The following CALM2 variants were observed in gnomAD, a reference collection of about 807,000 sequenced individuals.
The protein encoded by CALM2 is calmodulin 2.
CALM2 carries 2 observed loss-of-function variants against 19.8 expected under a neutral mutation model. That is an observed-to-expected ratio of 0.10 (90% CI 0.04 to 0.32). The LOEUF is 0.32. CALM2 is among the 10% of genes least tolerant of loss of function. The pLI, the probability that CALM2 is intolerant of heterozygous loss-of-function variation, is 1.00. For synonymous variants in CALM2, 51 were observed against 52.1 expected (o/e 0.98, Z 0.09); for missense variants, 38 against 178.7 (o/e 0.21, Z 4.49).
chr2:47,162,855 A>G (rs1573215974), intron 2 of CALM2, 193 bp from the exon 3 acceptor site: 3 of 494,634 alleles, frequency 6.1e-6, no homozygotes, highest in African/African-American at 6.0e-5. Flanking sequence ...AAAAATACCA[A>G]TGGAGGTAGC....
Position 47,161,765 on chromosome 2 carries a change from T to C in CALM2, c.379A>G (p.Arg127Gly), listed in dbSNP as rs775065505. ...LTDEEVDEMI[R>G]EADIDGDGQV... ...CCATCACCATCAATATCTGCTTCCC[T>C]GATCATTTCATCAACTTCTTCATCT... is the stretch of plus-strand genomic sequence containing the variant. The change falls in exon 5 of 6, where the codon AGG becomes GGG. Residue 127 changes from arginine (R) to glycine (G), a missense_variant. Arg to Gly is a moderately radical substitution (Grantham distance 125, BLOSUM62 -2). Transcript: ENST00000272298. The C allele has an allele frequency of 6.2e-7, 1 of 1,613,114 alleles. No individual in the cohort carries two copies. The highest frequency in any genetic ancestry group is 1.3e-5 in the African/African-American group (1 of 74,850).
chr2:47,173,376 C>G (rs537683506), intron 1 of CALM2: 2 of 152,120 alleles, frequency 1.3e-5, no homozygotes, highest in African/African-American at 4.8e-5. Context: ...TGTTCTTACT[C>G]CCTTATTTCT....
In CALM2 at chr2:47,160,703, G is replaced by A. The variant is rs745695320; in HGVS notation, c.*73C>T. ...TGACAGTAGGGAGAAACCTTTTACA[G>A]ATAAGTTACAAACAAAGAAAAGGCA... is the stretch of plus-strand genomic sequence containing the variant. On this transcript the variant is annotated 3_prime_UTR_variant, in exon 6 of 6. Coordinates refer to ENST00000272298, the MANE Select transcript of CALM2 (RefSeq NM_001743.6). 1.1e-5 allele frequency: 9 copies of A among 827,226 alleles called. No homozygotes were observed. Among genetic ancestry groups the A allele is most frequent in the Non-Finnish European group, 1.3e-5 (7 of 538,000 alleles). 51.2% of individuals were successfully genotyped at this position (827,226 alleles called of 1,614,324 possible).
chr2:47,170,264 A>G (rs1666621380), intron 2 of CALM2, among the ~76,000 whole-genome samples: 1 of 152,228 alleles, frequency 6.6e-6, no homozygotes, highest in Admixed American at 6.5e-5. Context: ...TCACTTGAGA[A>G]ATGGTTATTC....
intron 1 of CALM2, chr2:47,176,184 C>G: frequency 1.9e-6 from 1 of 518,688 alleles, no homozygotes; most frequent in African/African-American, 1.9e-5. Context: ...TCCAGCCAAG[C>G]CCCCGAGGAG....
intron 2 of CALM2, among the ~76,000 whole-genome samples, chr2:47,168,361 GAA>G (rs1349441565): frequency 2.0e-5 from 3 of 152,114 alleles, no homozygotes; most frequent in African/African-American, 7.2e-5. Flanking sequence ...TGAAAGCCAA[GAA>G]AAGATAGGAT....
At chr2:47,169,963 T>TAA (rs11378358) in intron 2 of CALM2, among the ~76,000 whole-genome samples, 3,764 of 145,228 alleles carry the variant, frequency 0.026, 154 homozygotes, top group African/African-American at 0.086. Flanking sequence ...AACACTACAA[T>TAA]AAAAAAAAAA....
upstream of CALM2, chr2:47,176,533 G>A (rs916587452): frequency 1.3e-6 from 2 of 1,581,732 alleles, no homozygotes; most frequent in Admixed American, 1.8e-5. Flanking sequence ...TCCGCCCCCA[G>A]CGCCTCATAA....
At chr2:47,168,853 C>G (rs1666576228) in intron 2 of CALM2, among the ~76,000 whole-genome samples, 2 of 151,916 alleles carry the variant, frequency 1.3e-5, no homozygotes, top group Non-Finnish European at 2.9e-5. Flanking sequence ...TCTTGCCTCA[C>G]TGCAACCTCT....
chr2:47,176,387 C>G, intron 1 of CALM2, 54 bp downstream of exon 1: 3 of 1,605,918 alleles, frequency 1.9e-6, no homozygotes, highest in Non-Finnish European at 2.6e-6. Flanking sequence ...AGTCAGTTCG[C>G]TCCAGTCTCT....
Position 47,173,941 on chromosome 2 carries a change from A to G in CALM2, c.3+2500T>C, listed in dbSNP as rs963982395. 2.6e-5 allele frequency: 4 copies of G among 152,366 alleles called. No individual in the cohort carries two copies. The South Asian group carries it at 8.3e-4, about 32-fold the overall frequency. The allele number at this position is 152,366 out of a possible 1,614,324, so 9.4% of individuals were successfully genotyped here. The stretch of plus-strand genomic sequence containing the variant: ...GGAACAAAATGGCTTCATAAAAATT[A>G]GGGCTATTACTAAAGGCCTAAATTC... On this transcript the variant is annotated intron_variant, in intron 1 of 5. Coordinates refer to ENST00000272298, the MANE Select transcript of CALM2 (RefSeq NM_001743.6).
At chr2:47,174,877 C>G (rs1666795922) in intron 1 of CALM2, among the ~76,000 whole-genome samples, 1 of 152,082 alleles carries the variant, frequency 6.6e-6, no homozygotes, top group Admixed American at 6.5e-5. Flanking sequence ...CAAGATGAAG[C>G]AAATCCATCA....
chr2:47,164,417 C>T (rs1666388893), intron 2 of CALM2, among the ~76,000 whole-genome samples: 1 of 143,978 alleles, frequency 6.9e-6, no homozygotes, highest in Admixed American at 6.8e-5. Flanking sequence ...GCCTGTAGTC[C>T]CCCGTCTCTA....
intron 1 of CALM2, among the ~76,000 whole-genome samples, chr2:47,174,774 A>C (rs1267859469): frequency 6.6e-6 from 1 of 152,188 alleles, no homozygotes; most frequent in African/African-American, 2.4e-5. Flanking sequence ...CTTACTCCAC[A>C]ACTTGTAATG....
intron 1 of CALM2, chr2:47,171,896 T>C (rs1175405883): frequency 6.7e-6 from 1 of 148,894 alleles, no homozygotes; most frequent in African/African-American, 2.5e-5. Context: ...CTAGGGCACA[T>C]GAGAAAATTC....
chr2:47,170,810 G>C, intron 1 of CALM2, 46 bp from the exon 2 acceptor site: 1 of 1,515,448 alleles, frequency 6.6e-7, no homozygotes. Flanking sequence ...AGAGTATGTA[G>C]ATTAGCAGTT....
chr2:47,171,024 CT>C, intron 1 of CALM2: 1 of 413,552 alleles, frequency 2.4e-6, no homozygotes, highest in African/African-American at 2.0e-5. Context: ...ACATTGCTTC[CT>C]TTTTCAACGT....
intron 1 of CALM2, 80 bp downstream of exon 1, chr2:47,176,361 C>T (rs1162898172): frequency 3.2e-6 from 5 of 1,550,700 alleles, no homozygotes; most frequent in Non-Finnish European, 4.4e-6. Context: ...GTAAGGGAGG[C>T]GAGTTTCCTT....
intron 5 of CALM2, among the ~76,000 whole-genome samples, chr2:47,161,429 G>A (rs1350256215): frequency 6.6e-6 from 1 of 152,128 alleles, no homozygotes; most frequent in Non-Finnish European, 1.5e-5. Flanking sequence ...CACAAACACT[G>A]AACAGTGCTT....
Sources: allele counts gnomAD v4.1 joint callset (sites outside exome capture counted in the v4.1 genomes callset), GRCh38; gene constraint gnomAD v4.1.1; transcripts MANE v1.5; gene names NCBI Gene and HGNC (gene_info 2026-07-23, HGNC 2026-07-21).